The following SUMF1 variants were observed in gnomAD, a reference collection of about 807,000 sequenced individuals.
SUMF1 encodes sulfatase modifying factor 1, also known as formylglycine-generating enzyme.
Under a neutral mutation model 47.6 loss-of-function variants are expected in SUMF1, and 48 were observed. That is an observed-to-expected ratio of 1.01 (90% CI 0.80 to 1.28). The LOEUF (loss-of-function observed/expected upper bound fraction) is 1.28, where lower values mean the gene tolerates loss of function less well. Ranked by LOEUF, SUMF1 falls within the 50% of genes most tolerant of loss-of-function variation. The pLI, the probability that SUMF1 is intolerant of heterozygous loss-of-function variation, is 0.00. For synonymous variants in SUMF1, 230 were observed against 192.1 expected, an observed-to-expected ratio of 1.20 and a Z score of -1.63; for missense variants, 571 against 485.4, an observed-to-expected ratio of 1.18 and a Z score of -1.66.
intron 9 of SUMF1, among the ~76,000 whole-genome samples, chr3:4,052,637 A>G (rs1220928336): frequency 6.6e-6 from 1 of 152,164 alleles, no homozygotes; most frequent in East Asian, 1.9e-4. Flanking sequence ...TTACCCATCC[A>G]CTATTTTCTT....
intron 3 of SUMF1, among the ~76,000 whole-genome samples, chr3:4,434,183 G>A (rs1255422116): frequency 6.6e-6 from 1 of 152,136 alleles, no homozygotes; most frequent in African/African-American, 2.4e-5. Flanking sequence ...AAAAGTTCTG[G>A]AAATGCATAA....
intron 9 of SUMF1, among the ~76,000 whole-genome samples, chr3:4,048,436 T>C (rs948439654): frequency 6.6e-6 from 1 of 152,188 alleles, no homozygotes; most frequent in Admixed American, 6.5e-5. Flanking sequence ...TGGCTCAAAG[T>C]GGCAGAACCA....
chr3:4,216,778 G>A (rs1695934653), intron 8 of SUMF1, among the ~76,000 whole-genome samples: 1 of 152,180 alleles, frequency 6.6e-6, no homozygotes, highest in Admixed American at 6.5e-5. Context: ...CATCATCACT[G>A]ATCATCAGAG....
chr3:4,348,192 G>A (rs1299649444), intron 8 of SUMF1, among the ~76,000 whole-genome samples: 3 of 152,092 alleles, frequency 2.0e-5, no homozygotes, highest in African/African-American at 7.2e-5. Flanking sequence ...AATTTCATAT[G>A]GAACCAAAAA....
chr3:4,311,676 T>A (rs1249765489), intron 8 of SUMF1, among the ~76,000 whole-genome samples: 1 of 152,218 alleles, frequency 6.6e-6, no homozygotes, highest in African/African-American at 2.4e-5. Flanking sequence ...GAGCCAAATA[T>A]CCAGTCTACT....
At chr3:4,309,896 G>T (rs1162930188) in intron 8 of SUMF1, among the ~76,000 whole-genome samples, 1 of 152,168 alleles carries the variant, frequency 6.6e-6, no homozygotes, top group African/African-American at 2.4e-5. Context: ...TCTGAGAAAT[G>T]CATCATTAGA....
At chr3:4,175,115 C>A (rs1051425979) in intron 8 of SUMF1, among the ~76,000 whole-genome samples, 3 of 152,190 alleles carry the variant, frequency 2.0e-5, no homozygotes, top group Admixed American at 6.5e-5. Flanking sequence ...CATAGCTGAA[C>A]AAAAGAAAGC....
At chr3:4,256,342 G>C (rs375536451) in intron 8 of SUMF1, among the ~76,000 whole-genome samples, 1 of 103,468 alleles carries the variant, frequency 9.7e-6, no homozygotes, top group Admixed American at 9.1e-5. Context: ...TTTTTTGAAA[G>C]GATCAACAAA....
chr3:4,103,703 T>C (rs1693091092), intron 8 of SUMF1, among the ~76,000 whole-genome samples: 1 of 152,144 alleles, frequency 6.6e-6, no homozygotes, highest in Non-Finnish European at 1.5e-5. Context: ...TATCAGGTCC[T>C]GTGCTAGGAA....
At chr3:4,338,833 C>T (rs1287790107) in intron 8 of SUMF1, among the ~76,000 whole-genome samples, 1 of 151,882 alleles carries the variant, frequency 6.6e-6, no homozygotes, top group Non-Finnish European at 1.5e-5. Flanking sequence ...CTTTGAGCCC[C>T]TATAATTTAG....
intron 8 of SUMF1, among the ~76,000 whole-genome samples, chr3:4,301,825 T>C (rs1697974197): frequency 6.6e-6 from 1 of 152,240 alleles, no homozygotes; most frequent in Non-Finnish European, 1.5e-5. Flanking sequence ...ATTAGCTGAA[T>C]ATGCGTAACT....
chr3:4,101,212 T>C (rs190873661), intron 8 of SUMF1, among the ~76,000 whole-genome samples: 5 of 152,228 alleles, frequency 3.3e-5, no homozygotes, highest in Admixed American at 1.3e-4. Flanking sequence ...TGAAGCATTA[T>C]TCGCAAGAGT....
intron 8 of SUMF1, among the ~76,000 whole-genome samples, chr3:4,111,804 T>C (rs999564222): frequency 1.3e-5 from 2 of 152,140 alleles, no homozygotes; most frequent in African/African-American, 2.4e-5. Flanking sequence ...GTATACCAAG[T>C]ACAACGTAAA....
intron 7 of SUMF1, among the ~76,000 whole-genome samples, chr3:4,386,079 T>C (rs1700663919): frequency 2.6e-5 from 4 of 152,186 alleles, no homozygotes; most frequent in Admixed American, 2.6e-4. Context: ...CCTCTCACAT[T>C]ATTATTTTTC....
chr3:4,094,078 T>C (rs997269892), intron 8 of SUMF1, among the ~76,000 whole-genome samples: 1 of 151,928 alleles, frequency 6.6e-6, no homozygotes, highest in Non-Finnish European at 1.5e-5. Context: ...AGAAAATAAA[T>C]AAGAAAGACA....
At chr3:4,305,877 A>G (rs760816021) in intron 8 of SUMF1, among the ~76,000 whole-genome samples, 4 of 152,198 alleles carry the variant, frequency 2.6e-5, no homozygotes, top group Non-Finnish European at 4.4e-5. Context: ...ACCTTTGGCA[A>G]TTTATAGTTA....
At chr3:4,200,781 T>C (rs1433049000) in intron 8 of SUMF1, among the ~76,000 whole-genome samples, 1 of 152,180 alleles carries the variant, frequency 6.6e-6, no homozygotes, top group African/African-American at 2.4e-5. Flanking sequence ...CCCTGACTAA[T>C]GCAGATACCA....
chr3:4,066,204 C>A lies in SUMF1; in HGVS notation c.1191+2365G>T, dbSNP rs144676618. Among the ~76,000 whole-genome samples the A allele has an allele frequency of 7.0e-3, 1,066 of 151,340 alleles. 10 individuals carry two copies. The highest frequency in any genetic ancestry group is 0.017 in the Admixed American group (254 of 15,198). On this transcript the variant is annotated intron_variant and NMD_transcript_variant, in intron 9 of 12. Transcript: ENST00000448413. ...CCATCATTTACTGTTATTTTTAATT[C>A]AAAAATTGCAAAAATGCCAAAACAG...
chr3:4,128,562 C>G (rs1369629777), intron 8 of SUMF1, among the ~76,000 whole-genome samples: 1 of 152,162 alleles, frequency 6.6e-6, no homozygotes, highest in Non-Finnish European at 1.5e-5. Context: ...ACATTCTCCT[C>G]AGGAGCCATC....
Sources: gnomAD v4.1 joint callset for allele counts (sites outside exome capture counted in the v4.1 genomes callset) on GRCh38, gnomAD v4.1.1 for gene constraint, MANE v1.5 for transcripts, NCBI Gene and HGNC (gene_info 2026-07-23, HGNC 2026-07-21) for gene names.